Variants in SYNE3 observed in about 807,000 individuals in gnomAD.
SYNE3 encodes spectrin repeat containing nuclear envelope family member 3.
In SYNE3, 100 loss-of-function variants were observed where a neutral mutation model predicts 111.2. The observed-to-expected ratio is 0.90, with a 90% CI of 0.77 to 1.06. The LOEUF is 1.06. Ranked by LOEUF, SYNE3 falls within the 50% of genes least tolerant of loss-of-function variation. The pLI is 0.00. For missense variants in SYNE3, 1,160 were observed against 1,240.3 expected (o/e 0.94, Z 0.97); for synonymous variants, 547 against 533.9 (o/e 1.02, Z -0.34).
At chr14:95,507,898 G>C (rs1374285652) in intron 1 of SYNE3, among the ~76,000 whole-genome samples, 2 of 152,226 alleles carry the variant, frequency 1.3e-5, no homozygotes, top group Non-Finnish European at 2.9e-5. Context: ...CTCCGGGGTG[G>C]GCCCTGGCTC....
At chr14:95,491,397 T>G (rs1017114881) in intron 1 of SYNE3, among the ~76,000 whole-genome samples, 16 of 152,134 alleles carry the variant, frequency 1.1e-4, no homozygotes, top group African/African-American at 3.9e-4. Context: ...TCAAAATGAC[T>G]CACAGAGAAA....
intron 4 of SYNE3, among the ~76,000 whole-genome samples, chr14:95,461,554 C>T (rs1366442023): frequency 6.6e-6 from 1 of 152,168 alleles, no homozygotes; most frequent in Admixed American, 6.5e-5. Context: ...TGGTTCCGTC[C>T]CCATCAACCC....
chr14:95,410,744 G>C lies in SYNE3; in HGVS notation c.*7082C>G, dbSNP rs1903413386. On this transcript the variant is annotated 3_prime_UTR_variant, in exon 18 of 18. Coordinates refer to ENST00000682763, the MANE Select transcript of SYNE3 (RefSeq NM_152592.6). Reference sequence around the variant, plus strand: ...CTGGTTTAAGCCAAAGTTGGTCGGGGGAGGAGGGATTCTGTTACTCGTGGC... The same window carrying C: ...CTGGTTTAAGCCAAAGTTGGTCGGGCGAGGAGGGATTCTGTTACTCGTGGC... 1 of 152,284 alleles carries C rather than the reference G, an allele frequency of 6.6e-6. No individual in the cohort carries two copies. The highest frequency in any genetic ancestry group is 2.4e-5 in the African/African-American group (1 of 41,452). The allele number at this position is 152,284 out of a possible 1,614,324, so 9.4% of individuals were successfully genotyped here.
At chr14:95,481,967 C>T (rs1370349268) in intron 1 of SYNE3, among the ~76,000 whole-genome samples, 3 of 152,190 alleles carry the variant, frequency 2.0e-5, no homozygotes, top group South Asian at 2.1e-4. Flanking sequence ...GTCCTGGGGT[C>T]GCTGGGTCCA....
chr14:95,440,971 T>A (rs951078749), intron 11 of SYNE3, among the ~76,000 whole-genome samples: 1 of 152,240 alleles, frequency 6.6e-6, no homozygotes, highest in African/African-American at 2.4e-5. Flanking sequence ...AATCTATTGT[T>A]CAGCTCTCTG....
rs946778225 is a variant in SYNE3, at chr14:95,411,566, C to A, written c.*6260G>T. 6.6e-6 allele frequency: 1 copy of A among 152,178 alleles called. No individual in the cohort carries two copies. Among genetic ancestry groups the A allele is most frequent in the African/African-American group, 2.4e-5 (1 of 41,406 alleles). 9.4% of individuals were successfully genotyped at this position (152,178 alleles called of 1,614,324 possible). ...CAAGGGCTGTAGTTGCCCACACCTC[C>A]CTCCAATGCTGACCTAGACTGGTGA... On this transcript the variant is annotated 3_prime_UTR_variant, in exon 18 of 18. Transcript: ENST00000682763.
chr14:95,466,369 G>T (rs570629374), intron 3 of SYNE3, 129 bp from the exon 4 acceptor site: 44 of 1,082,838 alleles, frequency 4.1e-5, no homozygotes, highest in Middle Eastern at 2.9e-4. Context: ...GCCCTTTCTG[G>T]CCTCTGAGTC....
Position 95,412,373 on chromosome 14 carries a change from C to A in SYNE3, c.*5453G>T, listed in dbSNP as rs1049937590. On this transcript the variant is annotated 3_prime_UTR_variant, in exon 18 of 18. Coordinates refer to ENST00000682763, the MANE Select transcript of SYNE3 (RefSeq NM_152592.6). Reference sequence around the variant, plus strand: ...CAATCCCGTTGGGCATCTTCAATGGCACAAACCCTTTTCTTCGTCTGCAAG... The same window carrying A: ...CAATCCCGTTGGGCATCTTCAATGGAACAAACCCTTTTCTTCGTCTGCAAG... 6.6e-6 allele frequency: 1 copy of A among 152,314 alleles called. No homozygotes were observed. Among genetic ancestry groups the A allele is most frequent in the Non-Finnish European group, 1.5e-5 (1 of 68,108 alleles). The allele number at this position is 152,314 out of a possible 1,614,324, so 9.4% of individuals were successfully genotyped here. A position where few individuals can be genotyped will look rare whatever the true frequency, so the allele number is the denominator to read the frequency against.
rs545206407 is a variant in SYNE3, at chr14:95,504,745, C to T, written c.-15+11851G>A. Among the ~76,000 whole-genome samples the T allele has an allele frequency of 1.4e-4, 22 of 152,212 alleles. No individual in the cohort carries two copies. In the South Asian group the frequency reaches 4.6e-3, roughly 32 times the overall value. On this transcript the variant is annotated intron_variant, in intron 1 of 17. Coordinates refer to ENST00000682763, the MANE Select transcript of SYNE3 (RefSeq NM_152592.6). The stretch of plus-strand genomic sequence containing the variant: ...GCTGTAATGCCAGCACTTTGAGAGG[C>T]CAAGGAGGGAGGATCACTTGAGCCC...
chr14:95,436,040 C>T (rs996536344), intron 15 of SYNE3, among the ~76,000 whole-genome samples: 1 of 152,168 alleles, frequency 6.6e-6, no homozygotes, highest in Non-Finnish European at 1.5e-5. Context: ...GCTTTAGCAA[C>T]TGATTAGATG....
chr14:95,507,313 G>A (rs1890564847), intron 1 of SYNE3, among the ~76,000 whole-genome samples: 1 of 152,168 alleles, frequency 6.6e-6, no homozygotes, highest in Non-Finnish European at 1.5e-5. Context: ...ATGTCAGTAC[G>A]TTGAAGAAAT....
Position 95,514,881 on chromosome 14 carries a change from C to T in SYNE3, c.-15+1715G>A, listed in dbSNP as rs996884102. Among the ~76,000 whole-genome samples the T allele has an allele frequency of 5.3e-5, 8 of 152,246 alleles. No individual in the cohort carries two copies. The East Asian group carries it at 1.3e-3, about 26-fold the overall frequency. On this transcript the variant is annotated intron_variant, in intron 1 of 17. Transcript: ENST00000682763. Reference sequence around the variant, plus strand: ...AGCCAGGGCCCCCCGGCAGCCCGCTCCAGGCTGCATCACAAGGCAAAGGGG... The same window carrying T: ...AGCCAGGGCCCCCCGGCAGCCCGCTTCAGGCTGCATCACAAGGCAAAGGGG...
chr14:95,457,469 T>C (rs8007606), intron 4 of SYNE3, 131 bp from the exon 5 acceptor site: 511,209 of 951,082 alleles, frequency 0.54, 142,377 homozygotes, highest in African/African-American at 0.79. Flanking sequence ...AACCAACCTC[T>C]AGCCCTTTCT....
At chr14:95,426,719 A>C (rs1885445570) in intron 17 of SYNE3, among the ~76,000 whole-genome samples, 1 of 151,998 alleles carries the variant, frequency 6.6e-6, no homozygotes, top group Non-Finnish European at 1.5e-5. Context: ...AGGTGGGTGG[A>C]TCATGAGATC....
intron 11 of SYNE3, among the ~76,000 whole-genome samples, chr14:95,442,065 A>T (rs1436053938): frequency 6.6e-6 from 1 of 152,230 alleles, no homozygotes; most frequent in African/African-American, 2.4e-5. Context: ...CACAAGGAAG[A>T]TTTTGCAGTT....
chr14:95,514,829 G>T (rs915225005), intron 1 of SYNE3, among the ~76,000 whole-genome samples: 1 of 152,230 alleles, frequency 6.6e-6, no homozygotes, highest in Non-Finnish European at 1.5e-5. Context: ...AGCTGGGCCT[G>T]CCCAGTCTTG....
At chr14:95,425,819 A>T (rs1463934224) in intron 17 of SYNE3, among the ~76,000 whole-genome samples, 1 of 152,256 alleles carries the variant, frequency 6.6e-6, no homozygotes, top group Non-Finnish European at 1.5e-5. Context: ...ATTTTAAAAT[A>T]TGGACTGTGG....
intron 4 of SYNE3, among the ~76,000 whole-genome samples, chr14:95,462,922 G>A (rs1829372550): frequency 6.6e-6 from 1 of 152,192 alleles, no homozygotes; most frequent in Non-Finnish European, 1.5e-5. Context: ...CACTTCGGGA[G>A]GCCAAGGCGG....
intron 17 of SYNE3, among the ~76,000 whole-genome samples, chr14:95,420,119 A>C (rs1885031925): frequency 6.8e-6 from 1 of 146,786 alleles, no homozygotes; most frequent in South Asian, 2.2e-4. Context: ...TTAGACACTG[A>C]TTTTATAAAA....
Sources: gnomAD v4.1 joint callset for allele counts (sites outside exome capture counted in the v4.1 genomes callset) on GRCh38, gnomAD v4.1.1 for gene constraint, MANE v1.5 for transcripts, NCBI Gene and HGNC (gene_info 2026-07-23, HGNC 2026-07-21) for gene names.